PROM1: variants seen among roughly 807,000 people sequenced by gnomAD.
PROM1 encodes the protein prominin-1.
In PROM1, 105 loss-of-function variants were observed where a neutral mutation model predicts 116.9. That is an observed-to-expected ratio of 0.90 (90% CI 0.77 to 1.06). The LOEUF is 1.06. PROM1 is among the 50% of genes least tolerant of loss of function. The pLI is 0.00. For synonymous variants in PROM1, 393 were observed against 387.0 expected (o/e 1.02, Z -0.18); for missense variants, 1,122 against 1,045.2 (o/e 1.07, Z -1.01).
chr4:16,019,395 C>G (rs757328397), intron 8 of PROM1, among the ~76,000 whole-genome samples: 1 of 152,238 alleles, frequency 6.6e-6, no homozygotes, highest in Non-Finnish European at 1.5e-5. Flanking sequence ...AGCCACAGCT[C>G]TCAGTCAGCC....
Position 15,974,407 on chromosome 4 carries a change from G to A in PROM1, c.2583-3325C>T, listed in dbSNP as rs143285667. 2.0e-3 allele frequency among the ~76,000 whole-genome samples: 300 copies of A among 152,232 alleles called. 1 individual carries two copies. The highest frequency in any genetic ancestry group is 6.5e-4 in the Non-Finnish European group (44 of 68,020). The stretch of plus-strand genomic sequence containing the variant: ...GTATAATGGACTAATTACAGTGTGC[G>A]TGTGTGTGTTTAAGAAATAAATAGA... On this transcript the variant is annotated intron_variant, in intron 26 of 27. Transcript: ENST00000447510.
chr4:16,000,291 AT>A (rs569735780), intron 14 of PROM1, among the ~76,000 whole-genome samples: 65 of 151,794 alleles, frequency 4.3e-4, no homozygotes, highest in Middle Eastern at 3.4e-3. Flanking sequence ...ACGCTCCCAT[AT>A]TTTTTTTTCT....
chr4:15,991,595 C>CTT (rs745602988), intron 17 of PROM1, among the ~76,000 whole-genome samples: 1 of 141,328 alleles, frequency 7.1e-6, no homozygotes, highest in Non-Finnish European at 1.6e-5. Flanking sequence ...GTTACGTAAT[C>CTT]TTTTTTTTTT....
intron 2 of PROM1, among the ~76,000 whole-genome samples, chr4:16,041,503 C>T (rs1735222259): frequency 6.6e-6 from 1 of 152,036 alleles, no homozygotes; most frequent in African/African-American, 2.4e-5. Flanking sequence ...GATGGCCAGG[C>T]ACAGTGGCTC....
intron 2 of PROM1, among the ~76,000 whole-genome samples, chr4:16,041,677 C>A (rs560285555): frequency 6.6e-6 from 1 of 151,628 alleles, no homozygotes; most frequent in Admixed American, 6.6e-5. Context: ...ATCATTTGAG[C>A]CCAGGAGTTC....
chr4:16,051,656 C>T (rs956725631), intron 2 of PROM1, among the ~76,000 whole-genome samples: 2 of 152,138 alleles, frequency 1.3e-5, no homozygotes, highest in African/African-American at 4.8e-5. Flanking sequence ...AAAGTGTCTT[C>T]CCCTTTGTGC....
rs2149113246 is a variant in PROM1, at chr4:15,991,243, T to C, written c.1962A>G (p.Leu654=). 1 of 1,608,598 alleles carries C rather than the reference T, an allele frequency of 6.2e-7. No homozygotes were observed. Among genetic ancestry groups the C allele is most frequent in the Non-Finnish European group, 8.5e-7 (1 of 1,178,054 alleles). Residue 654 remains leucine, a synonymous_variant, in exon 18 of 28, where the codon CTA becomes CTG. Transcript: ENST00000447510. ...TCACCAAACTGTTTGCTTTTGCTTC[T>C]AGATCATATGCAAATGATAAAAGAT... The part of the protein sequence containing the change: ...GVNLLSFAYD[L]EAKANSLPPG...
At chr4:16,011,417 C>T (rs1726856578) in intron 11 of PROM1, among the ~76,000 whole-genome samples, 1 of 152,194 alleles carries the variant, frequency 6.6e-6, no homozygotes, top group Non-Finnish European at 1.5e-5. Flanking sequence ...GATGAGACAA[C>T]CTAAACACGA....
intron 23 of PROM1, among the ~76,000 whole-genome samples, chr4:15,981,777 T>C (rs1271321064): frequency 6.6e-6 from 1 of 152,204 alleles, no homozygotes; most frequent in African/African-American, 2.4e-5. Flanking sequence ...ATGACCATGT[T>C]TTGTCTAAAG....
rs1208279826 is a variant in PROM1, at chr4:15,991,235, T to C, written c.1970A>G (p.Lys657Arg). ...ATTTGAACTCACCAAACTGTTTGCT[T>C]TTGCTTCTAGATCATATGCAAATGA... ...LLSFAYDLEA[K>R]ANSLPPGNLR... Residue 657 changes from lysine (K) to arginine (R), a missense_variant, in exon 18 of 28, where the codon AAA becomes AGA. By Grantham distance (26) the Lys-to-Arg change is conservative. Coordinates refer to ENST00000447510, the MANE Select transcript of PROM1 (RefSeq NM_006017.3). 2.5e-6 allele frequency: 4 copies of C among 1,608,770 alleles called. No homozygotes were observed. Among genetic ancestry groups the C allele is most frequent in the Non-Finnish European group, 3.4e-6 (4 of 1,177,944 alleles).
intron 19 of PROM1, among the ~76,000 whole-genome samples, chr4:15,988,394 T>G (rs561045991): frequency 1.4e-4 from 22 of 152,366 alleles, no homozygotes; most frequent in African/African-American, 5.1e-4. Context: ...AAACTTTATC[T>G]GTAAAACACC....
intron 2 of PROM1, among the ~76,000 whole-genome samples, chr4:16,061,120 T>C (rs1175896095): frequency 2.0e-5 from 3 of 152,220 alleles, no homozygotes; most frequent in Non-Finnish European, 4.4e-5. Flanking sequence ...GCAGTTATCT[T>C]GGAAATAAAT....
intron 2 of PROM1, among the ~76,000 whole-genome samples, chr4:16,050,175 C>A (rs1022068867): frequency 6.6e-6 from 1 of 151,846 alleles, no homozygotes; most frequent in African/African-American, 2.4e-5. Flanking sequence ...GCAGGAGAAT[C>A]CCTTGAACCC....
chr4:15,988,158 G>A (rs147291641), intron 19 of PROM1, among the ~76,000 whole-genome samples: 15 of 152,252 alleles, frequency 9.9e-5, no homozygotes, highest in African/African-American at 3.4e-4. Context: ...TTACAGGTGT[G>A]AGCCACCGCG....
intron 26 of PROM1, among the ~76,000 whole-genome samples, chr4:15,977,934 CT>C (rs1716632856): frequency 6.6e-6 from 1 of 152,120 alleles, no homozygotes; most frequent in Non-Finnish European, 1.5e-5. Flanking sequence ...CATTTCTTCT[CT>C]GATCTGAATG....
At position 15,980,489 on chromosome 4, in the gene PROM1, C is replaced by T. The variant is rs779675775; in HGVS notation, c.2422G>A (p.Ala808Thr). The T allele has an allele frequency of 1.9e-6, 3 of 1,555,760 alleles. No homozygotes were observed. Among genetic ancestry groups the T allele is most frequent in the Non-Finnish European group, 2.6e-6 (3 of 1,148,894 alleles). The change falls in exon 24 of 28, where the codon GCT becomes ACT. Residue 808 changes from alanine to threonine, a missense_variant. Physicochemically the swap from Ala to Thr is moderately conservative, Grantham distance 58. Transcript: ENST00000447510. ...IGKATVFLLP[A>T]LIFAVKLAKY... ...GCCAGTTTTACCGCAAAAATTAGAG[C>T]CGGAAGTAAAAATACAGTAGCTTTT... is the stretch of plus-strand genomic sequence containing the variant.
intron 23 of PROM1, among the ~76,000 whole-genome samples, chr4:15,982,552 C>T (rs144673446): frequency 6.6e-5 from 10 of 152,324 alleles, no homozygotes; most frequent in East Asian, 1.9e-4. Flanking sequence ...CTCTTCCTTA[C>T]GATGTAAACC....
chr4:16,008,911 T>C, intron 12 of PROM1, 38 bp downstream of exon 12: 2 of 1,514,502 alleles, frequency 1.3e-6, no homozygotes, highest in South Asian at 2.4e-5. Flanking sequence ...TCTACAAAGT[T>C]CACTCTCGTA....
In PROM1 at chr4:16,075,989, T is replaced by A; in HGVS notation, c.-83A>T. On this transcript the variant is annotated 5_prime_UTR_variant, in exon 2 of 28. Coordinates refer to ENST00000447510, the MANE Select transcript of PROM1 (RefSeq NM_006017.3). ...CTGGAAGCCTTGGGGAAGGCAAGCG[T>A]GTTCCTGGGCAGAAGAGGAGCAGGA... 1 of 1,476,914 alleles carries A rather than the reference T, an allele frequency of 6.8e-7. No homozygotes were observed. The highest frequency in any genetic ancestry group is 9.0e-7 in the Non-Finnish European group (1 of 1,111,758). The allele number at this position is 1,476,914 out of a possible 1,614,324, so 91.5% of individuals were successfully genotyped here.
Sources: allele counts gnomAD v4.1 joint callset (sites outside exome capture counted in the v4.1 genomes callset), GRCh38; gene constraint gnomAD v4.1.1; transcripts MANE v1.5; gene names NCBI Gene and HGNC (gene_info 2026-07-23, HGNC 2026-07-21).